The following BBOX1 variants were observed in gnomAD, a reference collection of about 807,000 sequenced individuals.
BBOX1 encodes gamma-butyrobetaine hydroxylase 1.
Under a neutral mutation model 41.6 loss-of-function variants are expected in BBOX1, and 35 were observed. The observed-to-expected ratio is 0.84, with a 90% CI of 0.64 to 1.11. The LOEUF (loss-of-function observed/expected upper bound fraction) is 1.11, where lower values mean the gene tolerates loss of function less well. Among genes scored for constraint, BBOX1 ranks in the 50% most tolerant of loss-of-function variants. The pLI, the probability that BBOX1 is intolerant of heterozygous loss-of-function variation, is 0.00. For missense variants in BBOX1, 458 were observed against 460.6 expected, an observed-to-expected ratio of 0.99 and a Z score of 0.05; for synonymous variants, 163 against 154.7, an observed-to-expected ratio of 1.05 and a Z score of -0.40.
intron 4 of BBOX1, among the ~76,000 whole-genome samples, chr11:27,065,480 C>T (rs1857255277): frequency 1.3e-5 from 2 of 152,250 alleles, no homozygotes; most frequent in South Asian, 2.1e-4. Flanking sequence ...GATGGGGCTG[C>T]CCTTGTTCTG....
chr11:27,042,174 C>A (rs1280520743), intron 2 of BBOX1, among the ~76,000 whole-genome samples: 3 of 152,136 alleles, frequency 2.0e-5, no homozygotes, highest in Non-Finnish European at 2.9e-5. Flanking sequence ...CATCAGAAAA[C>A]AAAGCCTTGA....
chr11:27,076,970 TC>T, intron 4 of BBOX1, among the ~76,000 whole-genome samples: 1 of 151,944 alleles, frequency 6.6e-6, no homozygotes. Context: ...TGTTCAGAAC[TC>T]CCCAGAAGAC....
intron 4 of BBOX1, among the ~76,000 whole-genome samples, chr11:27,061,969 G>T (rs1857145782): frequency 6.6e-6 from 1 of 152,100 alleles, no homozygotes; most frequent in Non-Finnish European, 1.5e-5. Context: ...ATAGCCATGA[G>T]AAAATAAGTA....
chr11:27,047,275 A>G (rs1851513634), intron 2 of BBOX1: 1 of 152,202 alleles, frequency 6.6e-6, no homozygotes, highest in Non-Finnish European at 1.5e-5. Flanking sequence ...AGGTTCCCCC[A>G]GTGATTGGAA....
chr11:27,115,538 C>A lies in BBOX1; in HGVS notation c.620C>A (p.Ala207Asp). 1 of 1,610,158 alleles carries A rather than the reference C, an allele frequency of 6.2e-7. No homozygotes were observed. Among genetic ancestry groups the A allele is most frequent in the South Asian group, 1.1e-5 (1 of 90,828 alleles). Reference protein sequence around the residue: ...GKLSFHTDYPALHHPPGVQLL... With the variant: ...GKLSFHTDYPDLHHPPGVQLL... ...CTAAGCTTTCACACTGATTATCCAGCCCTCCATCATCCACCTGGGGTAAGT... is the reference window on the plus strand; with the variant it reads ...CTAAGCTTTCACACTGATTATCCAGACCTCCATCATCCACCTGGGGTAAGT... The change falls in exon 6 of 9, where the codon GCC becomes GAC. Residue 207 changes from alanine to aspartate, a missense_variant. Ala to Asp is a moderately radical substitution (Grantham distance 126). Transcript: ENST00000263182.
chr11:27,100,666 CT>C (rs1019979100), intron 5 of BBOX1, among the ~76,000 whole-genome samples: 2 of 152,050 alleles, frequency 1.3e-5, no homozygotes, highest in Admixed American at 6.6e-5. Flanking sequence ...CCAGGGTTCC[CT>C]TTGTAATATT....
intron 4 of BBOX1, among the ~76,000 whole-genome samples, chr11:27,069,032 T>A (rs535707478): frequency 6.6e-6 from 1 of 152,254 alleles, no homozygotes; most frequent in Non-Finnish European, 1.5e-5. Context: ...TCTTTTTTTT[T>A]AGGATTGCTT....
At chr11:27,100,903 G>A (rs913643093) in intron 5 of BBOX1, among the ~76,000 whole-genome samples, 1 of 151,990 alleles carries the variant, frequency 6.6e-6, no homozygotes, top group Non-Finnish European at 1.5e-5. Context: ...TGTACTCTGT[G>A]CAGCCAGGAC....
chr11:27,098,966 T>G (rs1334429113), intron 5 of BBOX1, among the ~76,000 whole-genome samples: 1 of 151,986 alleles, frequency 6.6e-6, no homozygotes, highest in African/African-American at 2.4e-5. Flanking sequence ...GGTGGCGTAA[T>G]CAAGGTCGTA....
chr11:27,045,264 T>C (rs1048821200), intron 2 of BBOX1, among the ~76,000 whole-genome samples: 1 of 152,198 alleles, frequency 6.6e-6, no homozygotes, highest in Non-Finnish European at 1.5e-5. Flanking sequence ...CTTGTGATTT[T>C]TGCACATTGA....
chr11:27,119,850 G>A lies in BBOX1; in HGVS notation c.836+5G>A, dbSNP rs1298738821. ...ATCAAAACATAAAATTATAGAGTAA[G>A]TACTATTTATAAATTTCCCATAGCA... On this transcript the variant is annotated splice_donor_5th_base_variant and intron_variant, in intron 7 of 8. Transcript: ENST00000263182. 6.9e-7 allele frequency: 1 copy of A among 1,442,562 alleles called. No individual in the cohort carries two copies. Among genetic ancestry groups the A allele is most frequent in the Non-Finnish European group, 9.2e-7 (1 of 1,081,466 alleles). The allele number at this position is 1,442,562 out of a possible 1,614,324, so 89.4% of individuals were successfully genotyped here.
intron 8 of BBOX1, among the ~76,000 whole-genome samples, chr11:27,126,444 T>A: frequency 6.6e-6 from 1 of 152,150 alleles, no homozygotes; most frequent in East Asian, 1.9e-4. Context: ...CAAGTTAGAA[T>A]CCAAGCTTCG....
intron 5 of BBOX1, among the ~76,000 whole-genome samples, chr11:27,106,030 C>T (rs1417155657): frequency 6.6e-6 from 1 of 152,096 alleles, no homozygotes; most frequent in East Asian, 1.9e-4. Context: ...AATTTACAGA[C>T]AAGCAAATGC....
At chr11:27,055,006 CA>C (rs1399937226) in intron 2 of BBOX1, among the ~76,000 whole-genome samples, 15 of 152,026 alleles carry the variant, frequency 9.9e-5, no homozygotes, top group Admixed American at 3.9e-4. Flanking sequence ...TAAAATAGGA[CA>C]GGGGTGATTG....
intron 4 of BBOX1, among the ~76,000 whole-genome samples, chr11:27,084,206 C>T (rs1236572019): frequency 3.3e-5 from 5 of 152,094 alleles, no homozygotes; most frequent in Non-Finnish European, 7.4e-5. Flanking sequence ...CTACAGTGTC[C>T]CTATGAAGTC....
chr11:27,098,265 C>T (rs780146399), intron 5 of BBOX1, among the ~76,000 whole-genome samples: 1 of 151,986 alleles, frequency 6.6e-6, no homozygotes, highest in Non-Finnish European at 1.5e-5. Flanking sequence ...TGCAGCGCTA[C>T]AGTAGAAATT....
At chr11:27,099,325 G>A (rs1858559474) in intron 5 of BBOX1, among the ~76,000 whole-genome samples, 1 of 151,988 alleles carries the variant, frequency 6.6e-6, no homozygotes, top group Admixed American at 6.6e-5. Context: ...TGTAATGAGG[G>A]TTACACTGGT....
chr11:27,125,833 A>G lies in BBOX1; in HGVS notation c.1003+13A>G. On this transcript the variant is annotated intron_variant, in intron 8 of 8. Transcript: ENST00000263182. ...AAGATGAATCCAGGTCAGTGAATAC[A>G]TTTTCTCAAATAACCAAAAGCATGG... The G allele has an allele frequency of 6.3e-7, 1 of 1,597,970 alleles. No homozygotes were observed. The highest frequency in any genetic ancestry group is 1.8e-5 in the Admixed American group (1 of 56,400).
chr11:27,045,928 T>G (rs1564949495), intron 2 of BBOX1, among the ~76,000 whole-genome samples: 3 of 152,208 alleles, frequency 2.0e-5, no homozygotes, highest in Admixed American at 2.0e-4. Flanking sequence ...AAATTAGTTG[T>G]AAGTAATGTT....
Sources: gnomAD v4.1 joint callset for allele counts (sites outside exome capture counted in the v4.1 genomes callset) on GRCh38, gnomAD v4.1.1 for gene constraint, MANE v1.5 for transcripts, NCBI Gene and HGNC (gene_info 2026-07-23, HGNC 2026-07-21) for gene names.